Variants in GPAM observed in about 807,000 individuals in gnomAD.
GPAM encodes the protein glycerol-3-phosphate acyltransferase 1, mitochondrial.
GPAM carries 56 observed loss-of-function variants against 105.0 expected under a neutral mutation model. That is an observed-to-expected ratio of 0.53 (90% CI 0.43 to 0.67). The LOEUF (loss-of-function observed/expected upper bound fraction) is 0.67, where lower values mean the gene tolerates loss of function less well. Ranked by LOEUF, GPAM falls within the 30% of genes least tolerant of loss-of-function variation. The probability of loss-of-function intolerance (pLI) is 0.00; values close to 1 mark genes in which losing one functional copy is unlikely to be tolerated. For missense variants in GPAM, 855 were observed against 989.8 expected (o/e 0.86, Z 1.83); for synonymous variants, 368 against 354.4 (o/e 1.04, Z -0.43).
intron 6 of GPAM, 68 bp downstream of exon 6, chr10:112,175,532 A>C: frequency 5.0e-6 from 4 of 807,666 alleles, no homozygotes; most frequent in Non-Finnish European, 9.0e-6. Flanking sequence ...ACTAAGAATT[A>C]CTTCCCCCTC....
chr10:112,159,923 G>A lies in GPAM; in HGVS notation c.1890C>T (p.Gly630=). 1 of 1,613,644 alleles carries A rather than the reference G, an allele frequency of 6.2e-7. No individual in the cohort carries two copies. Among genetic ancestry groups the A allele is most frequent in the South Asian group, 1.1e-5 (1 of 91,082 alleles). ...GGTCTTCACTCACCAGTGAGATGGT[G>A]CCTTCATTGGAGAGAAGGTAGCACA... ...ASLCYLLSNE[G]TISLPCQTFY... is the part of the protein sequence containing the mutation. Residue 630 remains glycine, a synonymous_variant, in exon 17 of 22, where the codon GGC becomes GGT. Transcript: ENST00000348367.
chr10:112,222,106 T>C, the GPAM span, among the ~76,000 whole-genome samples: 5 of 152,186 alleles, frequency 3.3e-5, no homozygotes, highest in Non-Finnish European at 7.4e-5. Context: ...TTGTCATGAG[T>C]TGACAATTGT....
the GPAM span, among the ~76,000 whole-genome samples, chr10:112,225,872 A>G: frequency 6.8e-4 from 104 of 152,274 alleles, 2 homozygotes; most frequent in Middle Eastern, 0.017. Flanking sequence ...ATCTAGAAGA[A>G]TGCCTGGCAC....
the GPAM span, among the ~76,000 whole-genome samples, chr10:112,222,872 C>A: frequency 6.6e-6 from 1 of 151,994 alleles, no homozygotes. Flanking sequence ...CCATGCCATG[C>A]CAGCCACAGA....
At chr10:112,160,501 C>G in intron 16 of GPAM, 103 bp downstream of exon 16, 1 of 1,271,376 alleles carries the variant, frequency 7.9e-7, no homozygotes. Context: ...CACATTCCCT[C>G]AAGCAAGGGG....
intron 6 of GPAM, among the ~76,000 whole-genome samples, chr10:112,175,375 T>C (rs1443463576): frequency 6.6e-6 from 1 of 152,228 alleles, no homozygotes; most frequent in Non-Finnish European, 1.5e-5. Flanking sequence ...CAATTATTAA[T>C]CCATAAAACA....
chr10:112,200,167 AATATATATATATATATATATATATATAT>A (rs10528337), intron 1 of GPAM, among the ~76,000 whole-genome samples: 9 of 87,202 alleles, frequency 1.0e-4, no homozygotes, highest in East Asian at 4.1e-4. Context: ...TTGTAAAGGA[AATATATATATATATATATATATATATAT>A]ATATATATAT....
rs1250637583 is a variant in GPAM at position 112,151,782 on chromosome 10, A to T, written c.*1768T>A. ...AGTGAAATGTTTGCTTCCCCAGATA[A>T]GGAACACCCAAGACTCCCTGGGTAT... On this transcript the variant is annotated 3_prime_UTR_variant, in exon 22 of 22. Transcript: ENST00000348367. The T allele has an allele frequency of 1.0e-6, 1 of 984,644 alleles. No individual in the cohort carries two copies. The highest frequency in any genetic ancestry group is 1.2e-6 in the Non-Finnish European group (1 of 829,322). 61.0% of individuals were successfully genotyped at this position (984,644 alleles called of 1,614,324 possible).
At chr10:112,192,211 C>G (rs1047573004) in intron 1 of GPAM, among the ~76,000 whole-genome samples, 4 of 152,160 alleles carry the variant, frequency 2.6e-5, no homozygotes, top group African/African-American at 9.7e-5. Context: ...TCCATTCATT[C>G]ATAACACACT....
At chr10:112,156,992 G>A (rs998696962) in intron 19 of GPAM, 4 of 604,920 alleles carry the variant, frequency 6.6e-6, no homozygotes, top group South Asian at 4.0e-5. Context: ...ATGCACCTGT[G>A]TATTTCATAA....
rs558453152 is a variant in GPAM at position 112,204,316 on chromosome 10, G to A, written n.210+10852C>T. ...TTTCAAGGATGGCCCAACTTCAACC[G>A]TCTGGTGACACAAGAGATCTGGGGG... On this transcript the variant is annotated intron_variant and non_coding_transcript_variant, in intron 1 of 3. Coordinates refer to the GPAM transcript ENST00000480130. Among the ~76,000 whole-genome samples the A allele has an allele frequency of 1.3e-4, 19 of 145,576 alleles. No individual in the cohort carries two copies. In the East Asian group the frequency reaches 2.6e-3, roughly 20 times the overall value.
upstream of GPAM, among the ~76,000 whole-genome samples, chr10:112,216,924 G>A (rs892979672): frequency 6.7e-6 from 1 of 149,754 alleles, no homozygotes; most frequent in Non-Finnish European, 1.5e-5. Flanking sequence ...ACTCCTACTG[G>A]GAAAAGAAGG....
rs1846898756 is a variant in GPAM at position 112,150,629 on chromosome 10, A to T, written c.*2921T>A. 11 of 915,108 alleles carry T rather than the reference A, an allele frequency of 1.2e-5. No homozygotes were observed. 56.7% of individuals were successfully genotyped at this position (915,108 alleles called of 1,614,324 possible). Reference sequence around the variant, plus strand: ...AGTGAGAGGTTCATAAGTATCCCAAAGGAGAAAAAGGTCCTGGTGTCAAAA... The same window carrying T: ...AGTGAGAGGTTCATAAGTATCCCAATGGAGAAAAAGGTCCTGGTGTCAAAA... On this transcript the variant is annotated 3_prime_UTR_variant, in exon 22 of 22. Transcript: ENST00000348367.
At chr10:112,164,791 T>G (rs1413400273) in intron 12 of GPAM, among the ~76,000 whole-genome samples, 181 bp from the exon 13 acceptor site, 1 of 152,242 alleles carries the variant, frequency 6.6e-6, no homozygotes, top group African/African-American at 2.4e-5. Context: ...CACAGAATGC[T>G]GCTAAGCATG....
At position 112,153,650 on chromosome 10, in the gene GPAM, T is replaced by C. The variant is rs773872084; in HGVS notation, c.2387A>G (p.Lys796Arg). 4 of 1,610,548 alleles carry C rather than the reference T, an allele frequency of 2.5e-6. No individual in the cohort carries two copies. In the Admixed American group the frequency reaches 5.0e-5, roughly 20 times the overall value. ...TTCTAAAACAGACACTCTCTTTTGT[T>C]TGGTCTCCTTGAAAACCTAAAGAAA... is the stretch of plus-strand genomic sequence containing the variant. ...FKDIGVFKET[K>R]QKRVSVLELS... Residue 796 changes from lysine (K) to arginine (R), a missense_variant, in exon 22 of 22, where the codon AAA (lysine) becomes AGA (arginine). Coordinates refer to ENST00000348367, the MANE Select transcript of GPAM (RefSeq NM_001244949.2).
chr10:112,210,121 C>T (rs755616057), intron 1 of GPAM, among the ~76,000 whole-genome samples: 4 of 152,188 alleles, frequency 2.6e-5, no homozygotes, highest in South Asian at 2.1e-4. Context: ...CCCAGTACCA[C>T]GTGGTGGGAA....
At chr10:112,214,363 A>G (rs557663933) in intron 1 of GPAM, 2 of 152,322 alleles carry the variant, frequency 1.3e-5, no homozygotes, top group African/African-American at 4.8e-5. Flanking sequence ...AAAAGTATTG[A>G]TTTCCTTGGT....
At chr10:112,154,161 C>G in intron 21 of GPAM, 1 of 187,254 alleles carries the variant, frequency 5.3e-6, no homozygotes, top group Admixed American at 5.4e-5. Context: ...CTGAAGTACT[C>G]CAAAATCTGA....
chr10:112,150,735 C>G lies in GPAM; in HGVS notation c.*2815G>C, dbSNP rs1054162633. 3.1e-6 allele frequency: 3 copies of G among 982,184 alleles called. No individual in the cohort carries two copies. In the African/African-American group the frequency reaches 5.2e-5, roughly 17 times the overall value. 60.8% of individuals were successfully genotyped at this position (982,184 alleles called of 1,614,324 possible). On this transcript the variant is annotated 3_prime_UTR_variant, in exon 22 of 22. Transcript: ENST00000348367. ...CTGCGCTAAAGTGCATTGTAAGTTT[C>G]CAGGTGCAAACTTGGTTTCCCAGCA...
Sources: gnomAD v4.1 joint callset for allele counts (sites outside exome capture counted in the v4.1 genomes callset) on GRCh38, gnomAD v4.1.1 for gene constraint, MANE v1.5 for transcripts, NCBI Gene and HGNC (gene_info 2026-07-23, HGNC 2026-07-21) for gene names.